Variants in PSD3 observed in about 807,000 individuals in gnomAD.
PSD3 encodes the protein PH and SEC7 domain-containing protein 3.
PSD3 carries 49 observed loss-of-function variants against 105.5 expected under a neutral mutation model. The observed-to-expected ratio is 0.46, with a 90% CI of 0.37 to 0.59. The LOEUF (loss-of-function observed/expected upper bound fraction) is 0.59. Ranked by LOEUF, PSD3 falls within the 20% of genes least tolerant of loss-of-function variation. PSD3 has a pLI of 0.00. For missense variants in PSD3, 1,561 were observed against 1,263.8 expected, an observed-to-expected ratio of 1.24 and a Z score of -3.57; for synonymous variants, 557 against 457.8, an observed-to-expected ratio of 1.22 and a Z score of -2.77.
At chr8:18,623,446 CCCA>C (rs1563391062) in intron 11 of PSD3, among the ~76,000 whole-genome samples, 2 of 57,074 alleles carry the variant, frequency 3.5e-5, no homozygotes, top group Non-Finnish European at 3.1e-5. Flanking sequence ...CCCCCGTCTC[CCCA>C]AAAAAAAAAA....
At chr8:18,951,859 C>T (rs1012362917) in intron 1 of PSD3, among the ~76,000 whole-genome samples, 3 of 151,956 alleles carry the variant, frequency 2.0e-5, no homozygotes, top group Non-Finnish European at 2.9e-5. Flanking sequence ...GTGGTGGGTG[C>T]CTGTAATCCT....
chr8:18,954,563 C>T (rs546292622), intron 1 of PSD3, among the ~76,000 whole-genome samples: 5 of 152,042 alleles, frequency 3.3e-5, no homozygotes, highest in East Asian at 1.9e-4. Flanking sequence ...CCATCCATCA[C>T]AAAAAAGAGT....
At chr8:18,953,908 A>T (rs146777222) in intron 1 of PSD3, among the ~76,000 whole-genome samples, 79 of 152,316 alleles carry the variant, frequency 5.2e-4, no homozygotes, top group Non-Finnish European at 3.2e-4. Context: ...GACACTTAAG[A>T]CACACATATA....
At chr8:18,920,935 T>A (rs1388913386) in intron 2 of PSD3, among the ~76,000 whole-genome samples, 1 of 152,194 alleles carries the variant, frequency 6.6e-6, no homozygotes, top group African/African-American at 2.4e-5. Flanking sequence ...CTATCATACA[T>A]GATAGTGACT....
intron 1 of PSD3, among the ~76,000 whole-genome samples, chr8:19,026,467 G>A (rs770497386): frequency 5.3e-5 from 8 of 152,060 alleles, no homozygotes; most frequent in Non-Finnish European, 7.4e-5. Context: ...CCTAAGAGAA[G>A]TTAGAGCTCT....
chr8:18,819,903 G>A (rs1812550654), intron 4 of PSD3, among the ~76,000 whole-genome samples: 1 of 152,234 alleles, frequency 6.6e-6, no homozygotes, highest in South Asian at 2.1e-4. Flanking sequence ...GCATCAACCA[G>A]TGTGAACCCT....
chr8:18,555,333 T>C (rs1157118060), intron 15 of PSD3, among the ~76,000 whole-genome samples: 1 of 151,240 alleles, frequency 6.6e-6, no homozygotes, highest in East Asian at 2.0e-4. Flanking sequence ...TCAGATAAGA[T>C]GAAAACAAAG....
chr8:18,812,258 T>C (rs1422141535), intron 4 of PSD3, among the ~76,000 whole-genome samples: 2 of 152,152 alleles, frequency 1.3e-5, no homozygotes, highest in Non-Finnish European at 2.9e-5. Flanking sequence ...AATTTAAATA[T>C]CCTGAGAAAC....
chr8:18,573,820 G>C (rs970206034), intron 13 of PSD3, among the ~76,000 whole-genome samples: 3 of 152,162 alleles, frequency 2.0e-5, no homozygotes, highest in African/African-American at 7.2e-5. Context: ...AATGCGCACG[G>C]GGATCTCTTT....
intron 9 of PSD3, among the ~76,000 whole-genome samples, chr8:18,696,634 A>G (rs1335607802): frequency 2.0e-5 from 3 of 152,212 alleles, no homozygotes; most frequent in East Asian, 1.9e-4. Flanking sequence ...GTACATTATA[A>G]TAAGTATCAC....
In PSD3 at chr8:18,528,588, G is replaced by A. The variant is rs950622276; in HGVS notation, c.*7155C>T. The A allele has an allele frequency of 1.3e-5, 2 of 152,236 alleles. No homozygotes were observed. Among genetic ancestry groups the A allele is most frequent in the Non-Finnish European group, 2.9e-5 (2 of 68,068 alleles). 9.4% of individuals were successfully genotyped at this position (152,236 alleles called of 1,614,324 possible). ...GAAGCCTGAGTGAAGTGGCGGCCGG[G>A]GGAGAGGTTCCTCTTTGCAGAGATG... On this transcript the variant is annotated 3_prime_UTR_variant, in exon 16 of 16. Coordinates refer to ENST00000327040, the MANE Select transcript of PSD3 (RefSeq NM_015310.4).
At chr8:18,659,156 C>G (rs1280953039) in intron 9 of PSD3, among the ~76,000 whole-genome samples, 2 of 152,134 alleles carry the variant, frequency 1.3e-5, no homozygotes, top group African/African-American at 2.4e-5. Flanking sequence ...CAGCACTGAC[C>G]TAGCCACTAA....
intron 12 of PSD3, among the ~76,000 whole-genome samples, chr8:18,594,501 A>G (rs1201041590): frequency 1.4e-5 from 2 of 141,992 alleles, no homozygotes; most frequent in Non-Finnish European, 3.0e-5. Context: ...TTTCTTAGGT[A>G]AACGAAAGTT....
chr8:18,947,733 T>TTCTA (rs1822957896), intron 1 of PSD3, among the ~76,000 whole-genome samples: 1 of 152,224 alleles, frequency 6.6e-6, no homozygotes, highest in African/African-American at 2.4e-5. Flanking sequence ...GATGGGAAGA[T>TTCTA]TCTATCCCCC....
chr8:18,994,422 T>C (rs1364958926), intron 1 of PSD3, among the ~76,000 whole-genome samples: 1 of 152,112 alleles, frequency 6.6e-6, no homozygotes, highest in Non-Finnish European at 1.5e-5. Context: ...CAGCAAATCA[T>C]GTGTTGGTAT....
chr8:18,747,626 G>A (rs865855715), intron 9 of PSD3, among the ~76,000 whole-genome samples: 1 of 152,170 alleles, frequency 6.6e-6, no homozygotes. Context: ...GCTTTAATCA[G>A]AACACCAGCA....
intron 4 of PSD3, among the ~76,000 whole-genome samples, chr8:18,829,242 G>GA (rs1315300728): frequency 1.3e-5 from 2 of 152,034 alleles, no homozygotes; most frequent in Admixed American, 6.5e-5. Context: ...CTGTCTCCAA[G>GA]AAAATTTTTT....
At chr8:18,655,795 C>T in intron 9 of PSD3, 110 bp from the exon 10 acceptor site, 1 of 1,000,590 alleles carries the variant, frequency 1.0e-6, no homozygotes, top group Non-Finnish European at 1.5e-6. Flanking sequence ...CGAAGCCCCC[C>T]TTGTCAGTCA....
At chr8:19,070,506 T>A (rs943137048) in intron 1 of PSD3, among the ~76,000 whole-genome samples, 5 of 152,042 alleles carry the variant, frequency 3.3e-5, no homozygotes, top group Non-Finnish European at 4.4e-5. Flanking sequence ...TGAAACGCTA[T>A]CTCTACTAAA....
Sources: gnomAD v4.1 joint callset for allele counts (sites outside exome capture counted in the v4.1 genomes callset) on GRCh38, gnomAD v4.1.1 for gene constraint, MANE v1.5 for transcripts, NCBI Gene and HGNC (gene_info 2026-07-23, HGNC 2026-07-21) for gene names.